Variants in SNRNP70 observed in about 807,000 individuals in gnomAD.
The protein encoded by SNRNP70 is U1 small nuclear ribonucleoprotein 70 kDa.
Under a neutral mutation model 50.5 loss-of-function variants are expected in SNRNP70, and 8 were observed. The observed-to-expected ratio is 0.16, with a 90% CI of 0.09 to 0.29. The LOEUF is 0.29. Ranked by LOEUF, SNRNP70 falls within the 10% of genes least tolerant of loss-of-function variation. SNRNP70 has a pLI of 1.00. For missense variants in SNRNP70, 529 were observed against 663.5 expected (o/e 0.80, Z 2.23); for synonymous variants, 320 against 252.9 (o/e 1.27, Z -2.52).
chr19:49,088,199 C>CTTTTT (rs34075997), intron 2 of SNRNP70, among the ~76,000 whole-genome samples: 3 of 94,884 alleles, frequency 3.2e-5, no homozygotes, highest in Admixed American at 1.2e-4. Context: ...GAGCCAGGTA[C>CTTTTT]TTTTTTTTTT....
intron 6 of SNRNP70, among the ~76,000 whole-genome samples, chr19:49,100,319 T>A (rs570818067): frequency 3.3e-5 from 5 of 152,264 alleles, no homozygotes; most frequent in African/African-American, 1.2e-4. Flanking sequence ...CCCTAGCATG[T>A]TAGGACAGGT....
chr19:49,092,761 C>CT (rs1203307538), intron 4 of SNRNP70, among the ~76,000 whole-genome samples: 3 of 151,608 alleles, frequency 2.0e-5, no homozygotes, highest in African/African-American at 7.3e-5. Flanking sequence ...TCTTTTTTTT[C>CT]TTTTTTGGAA....
intron 2 of SNRNP70, among the ~76,000 whole-genome samples, chr19:49,089,376 A>T (rs974124645): frequency 1.3e-5 from 2 of 151,996 alleles, no homozygotes; most frequent in African/African-American, 2.4e-5. Context: ...CAGGGGGGAA[A>T]GCAGGGCTTA....
intron 8 of SNRNP70, among the ~76,000 whole-genome samples, chr19:49,106,129 G>A (rs1027265301): frequency 2.6e-5 from 4 of 152,144 alleles, no homozygotes; most frequent in Admixed American, 2.0e-4. Flanking sequence ...GGGAGACCAC[G>A]CTCTCAGCTG....
chr19:49,100,806 CAAAA>C (rs61621289), intron 6 of SNRNP70, among the ~76,000 whole-genome samples: 21 of 112,364 alleles, frequency 1.9e-4, no homozygotes, highest in Non-Finnish European at 1.6e-4. Flanking sequence ...ACTCTGTCTC[CAAAA>C]AAAAAAAAAA....
chr19:49,085,720 C>T (rs1435830177), intron 1 of SNRNP70, 84 bp downstream of exon 1: 19 of 444,132 alleles, frequency 4.3e-5, no homozygotes, highest in Admixed American at 3.6e-4. Flanking sequence ...CTCTTCCCCG[C>T]GGCCAGGCCC....
chr19:49,100,806 C>CAA (rs61621289), intron 6 of SNRNP70, among the ~76,000 whole-genome samples: 2 of 112,384 alleles, frequency 1.8e-5, no homozygotes, highest in Admixed American at 9.7e-5. Flanking sequence ...ACTCTGTCTC[C>CAA]AAAAAAAAAA....
At chr19:49,091,183 G>C (rs997862321) in intron 4 of SNRNP70, among the ~76,000 whole-genome samples, 3 of 151,992 alleles carry the variant, frequency 2.0e-5, no homozygotes, top group Non-Finnish European at 1.5e-5. Flanking sequence ...AGCCTGGCCA[G>C]CGTGGTGAAA....
chr19:49,098,315 G>A lies in SNRNP70; in HGVS notation c.266-112G>A, dbSNP rs1223684683. 3.6e-6 allele frequency: 3 copies of A among 844,276 alleles called. No individual in the cohort carries two copies. The African/African-American group carries it at 5.1e-5, about 14-fold the overall frequency. 52.3% of individuals were successfully genotyped at this position (844,276 alleles called of 1,614,324 possible). A position where few individuals can be genotyped will look rare whatever the true frequency, so the allele number is the denominator to read the frequency against. On this transcript the variant is annotated intron_variant, in intron 4 of 9. Coordinates refer to ENST00000598441, the MANE Select transcript of SNRNP70 (RefSeq NM_003089.6). Reference sequence around the variant, plus strand: ...GTCACCACCCATGTTCCTCCAGTTAGGGGCCTCTCCCAATGCCACCGTTTT... The same window carrying A: ...GTCACCACCCATGTTCCTCCAGTTAAGGGCCTCTCCCAATGCCACCGTTTT...
intron 4 of SNRNP70, among the ~76,000 whole-genome samples, chr19:49,091,574 G>T (rs2040447763): frequency 6.6e-6 from 1 of 152,074 alleles, no homozygotes. Flanking sequence ...GCCATCTCAT[G>T]TTGGCATATC....
At chr19:49,097,319 T>G (rs2040525574) in intron 4 of SNRNP70, among the ~76,000 whole-genome samples, 1 of 152,178 alleles carries the variant, frequency 6.6e-6, no homozygotes, top group African/African-American at 2.4e-5. Context: ...GAGTTTGTTC[T>G]GTTTTACTTC....
chr19:49,108,170 C>T lies in SNRNP70; in HGVS notation c.1041C>T (p.Gly347=), dbSNP rs1407537551. 7 of 1,541,128 alleles carry T rather than the reference C, an allele frequency of 4.5e-6. No homozygotes were observed. The Admixed American group carries it at 6.2e-5, about 14-fold the overall frequency. ...GCCCTGACGGTCCAGAGGAAAAGGG[C>T]CGGGATCGTGACCGGGAGCGACGGC... ...PDGPDGPEEK[G]RDRDRERRRS... Residue 347 remains glycine, a synonymous_variant, in exon 10 of 10, where the codon GGC becomes GGT. Coordinates refer to ENST00000598441, the MANE Select transcript of SNRNP70 (RefSeq NM_003089.6).
chr19:49,086,474 A>G lies in SNRNP70; in HGVS notation c.60A>G (p.Pro20=), dbSNP rs377548556. The G allele has an allele frequency of 3.7e-6, 6 of 1,613,934 alleles. No individual in the cohort carries two copies. Among genetic ancestry groups the G allele is most frequent in the Non-Finnish European group, 5.1e-6 (6 of 1,179,974 alleles). Residue 20 remains proline (P), a synonymous_variant, in exon 2 of 10, where the codon CCA becomes CCG. Transcript: ENST00000598441. ...LALFAPRDPI[P]YLPPLEKLPH... is the part of the protein sequence containing the mutation. ...TCTTTGCCCCCCGTGACCCTATTCC[A>G]TACCTGCCACCCCTGGAGAAACTGC...
intron 4 of SNRNP70, 79 bp downstream of exon 4, chr19:49,090,599 C>A: frequency 7.3e-7 from 1 of 1,365,722 alleles, no homozygotes; most frequent in Non-Finnish European, 1.0e-6. Context: ...CAGGACCCTG[C>A]TGTCTCCCTA....
intron 2 of SNRNP70, 151 bp downstream of exon 2, chr19:49,086,712 T>C (rs2040384916): frequency 1.3e-5 from 10 of 762,304 alleles, no homozygotes; most frequent in Non-Finnish European, 2.2e-5. Context: ...TTAAATGGGG[T>C]TGGAGCCGGG....
rs555144967 is a variant in SNRNP70 at position 49,098,479 on chromosome 19, C to G, written c.318C>G (p.Phe106Leu). The G allele has an allele frequency of 6.2e-7, 1 of 1,613,768 alleles. No homozygotes were observed. The highest frequency in any genetic ancestry group is 8.5e-7 in the Non-Finnish European group (1 of 1,179,752). The change falls in exon 5 of 10, where the codon TTC becomes TTG. Residue 106 changes from phenylalanine to leucine, a missense_variant. By Grantham distance (22) the Phe-to-Leu change is conservative. Transcript: ENST00000598441. ...AGGGGGATGCCTTCAAGACTCTCTTCGTGGCGAGAGTGGTAAGTCCCCAGC... is the reference window on the plus strand; with the variant it reads ...AGGGGGATGCCTTCAAGACTCTCTTGGTGGCGAGAGTGGTAAGTCCCCAGC... Reference protein sequence around the residue: ...NAQGDAFKTLFVARVNYDTTE... With the variant: ...NAQGDAFKTLLVARVNYDTTE...
chr19:49,101,589 C>T (rs2040587229), intron 7 of SNRNP70, 118 bp downstream of exon 7: 2 of 689,242 alleles, frequency 2.9e-6, no homozygotes, highest in South Asian at 3.1e-5. Flanking sequence ...GATGTCTCTT[C>T]TCCTCCTCCC....
chr19:49,096,182 C>T (rs190642141), intron 4 of SNRNP70, among the ~76,000 whole-genome samples: 48 of 151,942 alleles, frequency 3.2e-4, no homozygotes, highest in African/African-American at 1.1e-3. Context: ...GTCAGCCTCC[C>T]GAGTAGCTGG....
chr19:49,089,177 A>G (rs2040418156), intron 2 of SNRNP70, among the ~76,000 whole-genome samples: 1 of 152,202 alleles, frequency 6.6e-6, no homozygotes, highest in Non-Finnish European at 1.5e-5. Flanking sequence ...TTTTAAAGAA[A>G]GATCTACAGT....
Sources: allele counts gnomAD v4.1 joint callset (sites outside exome capture counted in the v4.1 genomes callset), GRCh38; gene constraint gnomAD v4.1.1; transcripts MANE v1.5; gene names NCBI Gene and HGNC (gene_info 2026-07-23, HGNC 2026-07-21).